UGT2A1: variants seen among roughly 807,000 people sequenced by gnomAD.
UGT2A1 encodes the protein UDP-glucuronosyltransferase 2A1.
UGT2A1 carries 61 observed loss-of-function variants against 45.4 expected under a neutral mutation model. The ratio of observed to expected loss-of-function variants is 1.34; its 90% CI spans 1.09 to 1.66. The LOEUF (loss-of-function observed/expected upper bound fraction) is 1.66, where lower values mean the gene tolerates loss of function less well. UGT2A1 is among the 40% of genes most tolerant of loss of function. The pLI, the probability that UGT2A1 is intolerant of heterozygous loss-of-function variation, is 0.00. For synonymous variants in UGT2A1, 229 were observed against 196.2 expected, an observed-to-expected ratio of 1.17 and a Z score of -1.40; for missense variants, 649 against 574.3, an observed-to-expected ratio of 1.13 and a Z score of -1.33.
intron 3 of UGT2A1, among the ~76,000 whole-genome samples, chr4:69,623,094 T>C (rs1720844397): frequency 6.6e-6 from 1 of 151,866 alleles, no homozygotes; most frequent in African/African-American, 2.4e-5. Flanking sequence ...AGATAACAGC[T>C]ACATAATTCT....
chr4:69,600,571 G>A (rs1195478277), intron 3 of UGT2A1, among the ~76,000 whole-genome samples: 2 of 152,186 alleles, frequency 1.3e-5, no homozygotes, highest in Middle Eastern at 3.2e-3. Context: ...CTCAGTGGGT[G>A]TGTTAGGCCT....
At chr4:69,590,853 CTAA>C (rs1240451442) in intron 6 of UGT2A1, among the ~76,000 whole-genome samples, 1 of 152,024 alleles carries the variant, frequency 6.6e-6, no homozygotes, top group Non-Finnish European at 1.5e-5. Context: ...TTATTATACA[CTAA>C]TGTTTTATGA....
intron 3 of UGT2A1, among the ~76,000 whole-genome samples, chr4:69,607,706 C>T (rs1014382221): frequency 5.9e-5 from 9 of 152,164 alleles, no homozygotes; most frequent in African/African-American, 9.7e-5. Flanking sequence ...CTACAATGAA[C>T]TCAAACAAAT....
In UGT2A1 at chr4:69,595,398, A is replaced by G. The variant is rs1718863976; in HGVS notation, c.997-149T>C. 3.6e-6 allele frequency: 3 copies of G among 826,358 alleles called. No individual in the cohort carries two copies. The East Asian group carries it at 8.0e-5, about 22-fold the overall frequency. The allele number at this position is 826,358 out of a possible 1,614,324, so 51.2% of individuals were successfully genotyped here. A position where few individuals can be genotyped will look rare whatever the true frequency, so the allele number is the denominator to read the frequency against. On this transcript the variant is annotated intron_variant, in intron 4 of 6. Transcript: ENST00000286604. Reference sequence around the variant, plus strand: ...TACAAACGTTGAGATACGTAGTAGGACTGTTTATATGTACCTTTTTGTAAA... The same window carrying G: ...TACAAACGTTGAGATACGTAGTAGGGCTGTTTATATGTACCTTTTTGTAAA...
intron 2 of UGT2A1, among the ~76,000 whole-genome samples, chr4:69,643,257 C>A (rs1428335726): frequency 6.6e-6 from 1 of 151,352 alleles, no homozygotes; most frequent in Non-Finnish European, 1.5e-5. Flanking sequence ...AAGCTAAACA[C>A]ATTGAAAAGA....
chr4:69,620,291 G>C (rs200990191), intron 3 of UGT2A1, among the ~76,000 whole-genome samples: 1 of 147,974 alleles, frequency 6.8e-6, no homozygotes, highest in East Asian at 1.9e-4. Context: ...AAAGTTTCAG[G>C]AAAAAAAATC....
At chr4:69,614,942 G>T (rs1030574464) in intron 3 of UGT2A1, among the ~76,000 whole-genome samples, 3 of 152,054 alleles carry the variant, frequency 2.0e-5, no homozygotes, top group African/African-American at 4.8e-5. Flanking sequence ...CAATGGGGAA[G>T]CAAGCACATC....
At chr4:69,618,245 G>A (rs991321023) in intron 3 of UGT2A1, among the ~76,000 whole-genome samples, 1 of 151,080 alleles carries the variant, frequency 6.6e-6, no homozygotes, top group Admixed American at 6.6e-5. Context: ...GTGTATGTGT[G>A]TGTTGAAGGG....
At chr4:69,621,330 C>A (rs775857626) in intron 3 of UGT2A1, among the ~76,000 whole-genome samples, 2 of 151,784 alleles carry the variant, frequency 1.3e-5, no homozygotes, top group South Asian at 2.1e-4. Flanking sequence ...AAAAAGTGGG[C>A]AAAGGACATT....
chr4:69,628,464 T>A (rs1167575886), intron 3 of UGT2A1, among the ~76,000 whole-genome samples: 1 of 151,632 alleles, frequency 6.6e-6, no homozygotes, highest in South Asian at 2.1e-4. Flanking sequence ...GGTCAGCTGG[T>A]CTTTCAACAA....
intron 3 of UGT2A1, among the ~76,000 whole-genome samples, chr4:69,602,456 T>A (rs1719348677): frequency 9.4e-6 from 1 of 106,070 alleles, no homozygotes; most frequent in Non-Finnish European, 1.9e-5. Context: ...AACAAAGATT[T>A]AGGAGTTTAT....
At chr4:69,634,438 A>C (rs1289858972) in intron 3 of UGT2A1, among the ~76,000 whole-genome samples, 1 of 152,072 alleles carries the variant, frequency 6.6e-6, no homozygotes, top group Non-Finnish European at 1.5e-5. Context: ...AACGGAGAGA[A>C]GCAATAAATA....
chr4:69,645,422 A>C (rs1722210314), intron 2 of UGT2A1, among the ~76,000 whole-genome samples: 1 of 151,816 alleles, frequency 6.6e-6, no homozygotes, highest in Non-Finnish European at 1.5e-5. Flanking sequence ...CAGAGATGAG[A>C]TAAATGAAGT....
intron 3 of UGT2A1, among the ~76,000 whole-genome samples, chr4:69,620,189 A>G (rs370917499): frequency 1.5e-4 from 23 of 152,150 alleles, no homozygotes; most frequent in African/African-American, 4.8e-4. Flanking sequence ...GAGAAAGTCA[A>G]ACTTTCCTGG....
intron 3 of UGT2A1, among the ~76,000 whole-genome samples, chr4:69,600,348 T>A (rs761537702): frequency 6.6e-6 from 1 of 152,140 alleles, no homozygotes; most frequent in Admixed American, 6.5e-5. Flanking sequence ...TAATCCTATA[T>A]CACAAGGGAC....
intron 1 of UGT2A1, among the ~76,000 whole-genome samples, chr4:69,652,155 G>A (rs753585444): frequency 6.7e-6 from 1 of 148,168 alleles, no homozygotes; most frequent in African/African-American, 2.5e-5. Flanking sequence ...GTAAGGATTC[G>A]CCACTGATAA....
chr4:69,641,414 C>T (rs1350998377), intron 2 of UGT2A1, among the ~76,000 whole-genome samples: 2 of 151,656 alleles, frequency 1.3e-5, no homozygotes, highest in Non-Finnish European at 2.9e-5. Context: ...GAAGACATGC[C>T]CTTGCCTGAA....
intron 2 of UGT2A1, among the ~76,000 whole-genome samples, chr4:69,643,782 G>C (rs1722141895): frequency 6.6e-6 from 1 of 151,438 alleles, no homozygotes; most frequent in Admixed American, 6.6e-5. Context: ...GGCTGTTCGA[G>C]GCCTGAGTGG....
Position 69,605,141 on chromosome 4 carries a change from C to T in UGT2A1, c.848-5747G>A, listed in dbSNP as rs1358276914. 1.2e-4 allele frequency among the ~76,000 whole-genome samples: 17 copies of T among 137,026 alleles called. 6 individuals are homozygous for T. Among genetic ancestry groups the T allele is most frequent in the African/African-American group, 5.0e-4 (17 of 33,818 alleles). The allele number at this position is 137,026 out of a possible 152,430, so 89.9% of individuals were successfully genotyped here. On this transcript the variant is annotated intron_variant, in intron 3 of 6. Transcript: ENST00000286604. ...ACATTCTTCTCAGCACCACACCGCACTTATTCCAAAATTGACCACATAGTT... is the reference window on the plus strand; with the variant it reads ...ACATTCTTCTCAGCACCACACCGCATTTATTCCAAAATTGACCACATAGTT...
Sources: gnomAD v4.1 joint callset for allele counts (sites outside exome capture counted in the v4.1 genomes callset) on GRCh38, gnomAD v4.1.1 for gene constraint, MANE v1.5 for transcripts, NCBI Gene and HGNC (gene_info 2026-07-23, HGNC 2026-07-21) for gene names.